Variants in MTRFR observed in about 807,000 individuals in gnomAD.
The protein encoded by MTRFR is mitochondrial translation release factor in rescue.
A neutral mutation model predicts 11.9 loss-of-function variants in MTRFR; 10 were observed. The observed-to-expected ratio is 0.84, with a 90% CI of 0.52 to 1.42. MTRFR has a LOEUF of 1.42. MTRFR is among the 40% of genes most tolerant of loss of function. MTRFR has a pLI of 0.00. For synonymous variants in MTRFR, 77 were observed against 79.1 expected (o/e 0.97, Z 0.14); for missense variants, 196 against 197.9 (o/e 0.99, Z 0.06).
chr12:123,250,997 G>A (rs979403306), intron 1 of MTRFR: 6 of 152,284 alleles, frequency 3.9e-5, no homozygotes, highest in Non-Finnish European at 8.8e-5. Context: ...ACTCTCCTTG[G>A]GCGGGTCTTG....
intron 1 of MTRFR, among the ~76,000 whole-genome samples, chr12:123,245,265 G>A (rs138105497): frequency 1.3e-5 from 2 of 152,244 alleles, no homozygotes; most frequent in East Asian, 1.9e-4. Context: ...CCAGTACCAC[G>A]CTGTTTTGGT....
chr12:123,241,560 G>A (rs893619925), intron 1 of MTRFR, among the ~76,000 whole-genome samples: 6 of 152,020 alleles, frequency 3.9e-5, no homozygotes, highest in Non-Finnish European at 8.8e-5. Context: ...GGATGGTCTC[G>A]AATTCCTGAC....
rs771507731 is a variant in MTRFR at position 123,253,865 on chromosome 12, T to C, written c.191T>C (p.Phe64Ser). The C allele has an allele frequency of 3.7e-6, 6 of 1,614,028 alleles. No individual in the cohort carries two copies. The African/African-American group carries it at 5.3e-5, about 14-fold the overall frequency. The stretch of plus-strand genomic sequence containing the variant: ...GATGAGAATGAACTCGAAGAGCAGT[T>C]TGTGAAAGGACACGGTCCAGGGGGC... ...SLDENELEEQFVKGHGPGGQA... is the reference protein window; with the variant it reads ...SLDENELEEQSVKGHGPGGQA... Residue 64 changes from phenylalanine (F) to serine (S), a missense_variant, in exon 2 of 3, where the codon TTT becomes TCT. By Grantham distance (155) the Phe-to-Ser change is radical. Transcript: ENST00000253233.
chr12:123,241,345 T>G (rs552747521), intron 1 of MTRFR, among the ~76,000 whole-genome samples: 78 of 152,222 alleles, frequency 5.1e-4, no homozygotes, highest in South Asian at 4.1e-4. Context: ...TGTTGTTGTT[T>G]TTTGAGACAG....
chr12:123,257,123 TTCAAAAG>T lies in MTRFR; in HGVS notation c.*93_*99del. 1.0e-6 allele frequency: 1 copy of T among 966,878 alleles called. No homozygotes were observed. Among genetic ancestry groups the T allele is most frequent in the Non-Finnish European group, 1.6e-6 (1 of 614,524 alleles). The allele number at this position is 966,878 out of a possible 1,614,324, so 59.9% of individuals were successfully genotyped here. On this transcript the variant is annotated 3_prime_UTR_variant, in exon 3 of 3. Transcript: ENST00000253233. ...TCCATCACCAGCATTATTATAGTGC[TTCAAAAG>T]AAATATTTTTGATGAACTTAAAAGA...
At chr12:123,243,174 C>G (rs1174121582) in intron 1 of MTRFR, among the ~76,000 whole-genome samples, 4 of 152,138 alleles carry the variant, frequency 2.6e-5, no homozygotes, top group Non-Finnish European at 1.5e-5. Context: ...TGGCACACTC[C>G]ATTTCAAAGT....
At chr12:123,255,750 G>C (rs983162281) in intron 2 of MTRFR, among the ~76,000 whole-genome samples, 1 of 152,092 alleles carries the variant, frequency 6.6e-6, no homozygotes, top group African/African-American at 2.4e-5. Flanking sequence ...TCAGCCTCCC[G>C]AGTAGCTGGG....
At position 123,257,107 on chromosome 12, in the gene MTRFR, A is replaced by G; in HGVS notation, c.*76A>G. ...AATAATGGTGGCGAGTTCCATCACC[A>G]GCATTATTATAGTGCTTCAAAAGAA... On this transcript the variant is annotated 3_prime_UTR_variant, in exon 3 of 3. Transcript: ENST00000253233. The G allele has an allele frequency of 1.8e-6, 2 of 1,126,396 alleles. No homozygotes were observed. The highest frequency in any genetic ancestry group is 1.3e-5 in the South Asian group (1 of 76,162). The allele number at this position is 1,126,396 out of a possible 1,614,324, so 69.8% of individuals were successfully genotyped here. A position where few individuals can be genotyped will look rare whatever the true frequency, so the allele number is the denominator to read the frequency against.
chr12:123,255,574 G>T (rs568562520), intron 2 of MTRFR, among the ~76,000 whole-genome samples: 1 of 151,600 alleles, frequency 6.6e-6, no homozygotes, highest in African/African-American at 2.4e-5. Flanking sequence ...CTCCCGCCTC[G>T]GCCTCCCGAG....
At chr12:123,251,873 T>A (rs769640558) in intron 1 of MTRFR, among the ~76,000 whole-genome samples, 2 of 152,132 alleles carry the variant, frequency 1.3e-5, no homozygotes, top group African/African-American at 4.8e-5. Flanking sequence ...GGAGCTCCCA[T>A]GCAAATAAAT....
intron 2 of MTRFR, among the ~76,000 whole-genome samples, chr12:123,255,359 C>T (rs2048171899): frequency 6.6e-6 from 1 of 152,182 alleles, no homozygotes; most frequent in African/African-American, 2.4e-5. Context: ...TCATGAGTAA[C>T]AAAATTCTGA....
chr12:123,256,826 G>A lies in MTRFR; in HGVS notation c.296G>A (p.Arg99Lys), dbSNP rs367548363. 2 of 1,611,944 alleles carry A rather than the reference G, an allele frequency of 1.2e-6. No individual in the cohort carries two copies. The highest frequency in any genetic ancestry group is 1.3e-5 in the African/African-American group (1 of 74,852). ...TATCTCTTACAGTGCCATCAGACAAGATCAGTTGATCAGAACAGAAAGCTA... is the reference window on the plus strand; with the variant it reads ...TATCTCTTACAGTGCCATCAGACAAAATCAGTTGATCAGAACAGAAAGCTA... ...SGIVVKCHQT[R>K]SVDQNRKLAR... The change falls in exon 3 of 3, where the codon AGA (arginine) becomes AAA (lysine). Residue 99 changes from arginine to lysine, a missense_variant. Arg to Lys is a conservative substitution (Grantham distance 26, BLOSUM62 2). Transcript: ENST00000253233.
At chr12:123,247,720 C>T (rs1306134142) in intron 1 of MTRFR, among the ~76,000 whole-genome samples, 2 of 152,156 alleles carry the variant, frequency 1.3e-5, no homozygotes, top group Non-Finnish European at 2.9e-5. Flanking sequence ...CCAAGGTGGG[C>T]GGATCATGAG....
At position 123,242,042 on chromosome 12, in the gene MTRFR, C is replaced by T. The variant is rs1325123730; in HGVS notation, c.-29+8511C>T. Among the ~76,000 whole-genome samples the T allele has an allele frequency of 2.0e-5, 3 of 152,212 alleles. No individual in the cohort carries two copies. The East Asian group carries it at 5.8e-4, about 29-fold the overall frequency. ...TTGTCTTCATTTCTCTTTTATGCTA[C>T]AGACTCTTTAGGCTCTCTGAAGCCC... On this transcript the variant is annotated intron_variant, in intron 1 of 2. Transcript: ENST00000253233.
At chr12:123,250,767 C>CA (rs1203545795) in intron 1 of MTRFR, 1 of 152,240 alleles carries the variant, frequency 6.6e-6, no homozygotes, top group African/African-American at 2.4e-5. Flanking sequence ...GCAGAGGGTA[C>CA]AATGGAGCTT....
chr12:123,257,723 TAAAG>T lies in MTRFR; in HGVS notation c.*696_*699del, dbSNP rs202152701. On this transcript the variant is annotated 3_prime_UTR_variant, in exon 3 of 3. Transcript: ENST00000253233. The stretch of plus-strand genomic sequence containing the variant: ...GTCTCTAAAAAATAAGATAAAACCA[TAAAG>T]AAACACAGTCAGTACTATACAAGAA... The T allele has an allele frequency of 0.048, 7,324 of 152,294 alleles. 312 individuals are homozygous for T. Among genetic ancestry groups the T allele is most frequent in the East Asian group, 0.26 (1,340 of 5,158 alleles). 9.4% of individuals were successfully genotyped at this position (152,294 alleles called of 1,614,324 possible).
At chr12:123,234,542 C>A (rs1470263106) in intron 1 of MTRFR, among the ~76,000 whole-genome samples, 3 of 152,022 alleles carry the variant, frequency 2.0e-5, no homozygotes, top group Admixed American at 6.6e-5. Context: ...AATACCGGTG[C>A]CCGCCACCAC....
intron 1 of MTRFR, among the ~76,000 whole-genome samples, chr12:123,246,058 T>G (rs77547952): frequency 6.6e-6 from 1 of 152,166 alleles, no homozygotes; most frequent in Non-Finnish European, 1.5e-5. Flanking sequence ...GATTTTTTTT[T>G]GCTGGTTTTG....
intron 1 of MTRFR, among the ~76,000 whole-genome samples, chr12:123,238,959 G>T (rs1029694512): frequency 1.3e-5 from 2 of 152,064 alleles, no homozygotes; most frequent in Non-Finnish European, 2.9e-5. Flanking sequence ...TATTTAGGGG[G>T]AAAAAAGAAT....
Sources: allele counts gnomAD v4.1 joint callset (sites outside exome capture counted in the v4.1 genomes callset), GRCh38; gene constraint gnomAD v4.1.1; transcripts MANE v1.5; gene names NCBI Gene and HGNC (gene_info 2026-07-23, HGNC 2026-07-21).